ATXN7: variants seen among roughly 807,000 people sequenced by gnomAD.
ATXN7 encodes the protein ataxin 7, also known as ataxin-7.
A neutral mutation model predicts 70.5 loss-of-function variants in ATXN7; 12 were observed. The ratio of observed to expected loss-of-function variants is 0.17; its 90% CI spans 0.11 to 0.28. ATXN7 has a LOEUF of 0.28. Among genes scored for constraint, ATXN7 ranks in the 10% least tolerant of loss-of-function variants. The probability of loss-of-function intolerance (pLI) is 1.00; values close to 1 mark genes in which losing one functional copy is unlikely to be tolerated. For missense variants in ATXN7, 1,256 were observed against 1,131.7 expected (o/e 1.11, Z -1.58); for synonymous variants, 498 against 448.7 (o/e 1.11, Z -1.39).
intron 4 of ATXN7, among the ~76,000 whole-genome samples, chr3:63,940,531 A>G (rs1559639981): frequency 6.6e-6 from 1 of 152,234 alleles, no homozygotes; most frequent in Non-Finnish European, 1.5e-5. Flanking sequence ...TAACTGAGTC[A>G]TGAGATTATA....
Position 63,998,653 on chromosome 3 carries a change from A to C in ATXN7, c.2662-797A>C, listed in dbSNP as rs143830247. Reference sequence around the variant, plus strand: ...GCTACACAAATCCTGGGGCAAGAGCAGGGGTGCTTGCTTAGAGATCAAAGG... The same window carrying C: ...GCTACACAAATCCTGGGGCAAGAGCCGGGGTGCTTGCTTAGAGATCAAAGG... On this transcript the variant is annotated intron_variant, in intron 12 of 12. Coordinates refer to ENST00000674280, the MANE Select transcript of ATXN7 (RefSeq NM_001377405.1). 9.1e-4 allele frequency: 899 copies of C among 985,426 alleles called. 9 individuals carry two copies. The African/African-American group carries it at 0.015, about 17-fold the overall frequency. The allele number at this position is 985,426 out of a possible 1,614,324, so 61.0% of individuals were successfully genotyped here. A position where few individuals can be genotyped will look rare whatever the true frequency, so the allele number is the denominator to read the frequency against.
At chr3:63,940,702 T>C (rs2074745578) in intron 4 of ATXN7, among the ~76,000 whole-genome samples, 1 of 152,198 alleles carries the variant, frequency 6.6e-6, no homozygotes, top group Non-Finnish European at 1.5e-5. Context: ...GATACTATCA[T>C]TTTCAAATGT....
rs1007184831 is a variant in ATXN7 at position 63,988,334 on chromosome 3, G to T, written c.1361+10G>T. 6.2e-7 allele frequency: 1 copy of T among 1,613,814 alleles called. No individual in the cohort carries two copies. Among genetic ancestry groups the T allele is most frequent in the Non-Finnish European group, 8.5e-7 (1 of 1,179,940 alleles). Reference sequence around the variant, plus strand: ...CCCCCAGTCTTCCAAGGTAAGCCAGGCCCTCCAACTCTTTCTCCCACCTTC... The same window carrying T: ...CCCCCAGTCTTCCAAGGTAAGCCAGTCCCTCCAACTCTTTCTCCCACCTTC... On this transcript the variant is annotated intron_variant, in intron 9 of 12. Transcript: ENST00000674280.
intron 4 of ATXN7, among the ~76,000 whole-genome samples, chr3:63,914,879 A>G (rs1704199350): frequency 6.6e-6 from 1 of 152,120 alleles, no homozygotes; most frequent in African/African-American, 2.4e-5. Context: ...ACGTTAAACT[A>G]CCTACTTGAG....
intron 4 of ATXN7, among the ~76,000 whole-genome samples, chr3:63,923,178 T>G (rs1704571286): frequency 6.6e-6 from 1 of 152,212 alleles, no homozygotes; most frequent in African/African-American, 2.4e-5. Flanking sequence ...CCATGTTCTC[T>G]GGGCCTCATG....
At chr3:63,872,860 T>G (rs1702638419) in intron 1 of ATXN7, among the ~76,000 whole-genome samples, 1 of 152,170 alleles carries the variant, frequency 6.6e-6, no homozygotes, top group African/African-American at 2.4e-5. Context: ...TTATCCCATT[T>G]TAAAGGTATG....
intron 4 of ATXN7, among the ~76,000 whole-genome samples, chr3:63,933,823 C>T (rs370843948): frequency 5.5e-4 from 83 of 152,070 alleles, no homozygotes; most frequent in African/African-American, 1.8e-3. Flanking sequence ...TAAAGGGGTG[C>T]GCAGTGGTTC....
intron 4 of ATXN7, among the ~76,000 whole-genome samples, chr3:63,928,382 T>C (rs1704800710): frequency 6.6e-6 from 1 of 150,748 alleles, no homozygotes; most frequent in South Asian, 2.1e-4. Flanking sequence ...GACAAATCCT[T>C]ATAGCTATGT....
At position 63,987,957 on chromosome 3, in the gene ATXN7, T is replaced by C. The variant is rs1352147205; in HGVS notation, c.1096-102T>C. On this transcript the variant is annotated intron_variant, in intron 8 of 12. Coordinates refer to ENST00000674280, the MANE Select transcript of ATXN7 (RefSeq NM_001377405.1). ...GCTGAGTAGCCTTTCACTATGCTTA[T>C]GGTCTAGATTGCTTATTTATTGGGA... 4.3e-6 allele frequency: 6 copies of C among 1,387,750 alleles called. No homozygotes were observed. The African/African-American group carries it at 4.4e-5, about 10-fold the overall frequency. 86.0% of individuals were successfully genotyped at this position (1,387,750 alleles called of 1,614,324 possible).
At chr3:63,870,538 T>C (rs539146479) in intron 1 of ATXN7, among the ~76,000 whole-genome samples, 5 of 152,372 alleles carry the variant, frequency 3.3e-5, no homozygotes, top group African/African-American at 1.2e-4. Flanking sequence ...AGTCATATTG[T>C]GTGGCCGCCT....
intron 4 of ATXN7, among the ~76,000 whole-genome samples, chr3:63,916,244 T>TA (rs1704262919): frequency 6.6e-6 from 1 of 152,222 alleles, no homozygotes; most frequent in Non-Finnish European, 1.5e-5. Context: ...TTTAACTCTT[T>TA]CAACTGTTGA....
chr3:63,980,068 G>A lies in ATXN7; in HGVS notation c.653G>A (p.Ser218Asn). 6.2e-7 allele frequency: 1 copy of A among 1,614,174 alleles called. No individual in the cohort carries two copies. The highest frequency in any genetic ancestry group is 1.1e-5 in the South Asian group (1 of 91,086). Reference sequence around the variant, plus strand: ...GGTGTTCTTAGCGCATCCTCATCAAGTTCCAAGTTGTTGAAATCACCCAAA... The same window carrying A: ...GGTGTTCTTAGCGCATCCTCATCAAATTCCAAGTTGTTGAAATCACCCAAA... ...SGGVLSASSS[S>N]SKLLKSPKEK... Residue 218 changes from serine to asparagine, a missense_variant, in exon 6 of 13, where the codon AGT (serine) becomes AAT (asparagine). By Grantham distance (46) the Ser-to-Asn change is conservative. Transcript: ENST00000674280.
At position 64,003,175 on chromosome 3, in the gene ATXN7, G is replaced by T. The variant is rs1176178797; in HGVS notation, c.*3708G>T. The T allele has an allele frequency of 6.8e-6, 1 of 146,300 alleles. No individual in the cohort carries two copies. Among genetic ancestry groups the T allele is most frequent in the Non-Finnish European group, 1.5e-5 (1 of 66,920 alleles). 9.1% of individuals were successfully genotyped at this position (146,300 alleles called of 1,614,324 possible). A position where few individuals can be genotyped will look rare whatever the true frequency, so the allele number is the denominator to read the frequency against. The stretch of plus-strand genomic sequence containing the variant: ...TTTAAATGAGCACTACATACTGTCA[G>T]TGTGAATGTAGGGCCTTGAAAGCAT... On this transcript the variant is annotated 3_prime_UTR_variant, in exon 13 of 13. Coordinates refer to ENST00000674280, the MANE Select transcript of ATXN7 (RefSeq NM_001377405.1).
intron 11 of ATXN7, among the ~76,000 whole-genome samples, chr3:63,993,910 C>G (rs2106797951): frequency 6.6e-6 from 1 of 152,296 alleles, no homozygotes; most frequent in Admixed American, 6.5e-5. Flanking sequence ...CATGCAGCTT[C>G]TGATGCATCA....
intron 5 of ATXN7, chr3:63,968,233 T>A (rs886147118): frequency 2.4e-6 from 1 of 422,536 alleles, no homozygotes; most frequent in African/African-American, 2.0e-5. Context: ...CCACAGGGAT[T>A]AGCTGCTGCA....
Position 63,912,862 on chromosome 3 carries a change from A to C in ATXN7, c.264A>C (p.Glu88Asp). Reference protein sequence around the residue: ...VGERRPLPSPEVMLGQSWNLW... With the variant: ...VGERRPLPSPDVMLGQSWNLW... Reference sequence around the variant, plus strand: ...AGCGCAGGCCTCTGCCCAGTCCTGAAGTGATGCTGGGACAGTCGTGGAATC... The same window carrying C: ...AGCGCAGGCCTCTGCCCAGTCCTGACGTGATGCTGGGACAGTCGTGGAATC... The change falls in exon 3 of 13, where the codon GAA (glutamate) becomes GAC (aspartate). Residue 88 changes from glutamate to aspartate, a missense_variant. Transcript: ENST00000674280. 1 of 1,612,788 alleles carries C rather than the reference A, an allele frequency of 6.2e-7. No individual in the cohort carries two copies. Among genetic ancestry groups the C allele is most frequent in the South Asian group, 1.1e-5 (1 of 91,076 alleles).
In ATXN7 at chr3:63,999,988, T is replaced by G. The variant is rs905274929; in HGVS notation, c.*521T>G. The G allele has an allele frequency of 1.3e-5, 2 of 158,708 alleles. No individual in the cohort carries two copies. The highest frequency in any genetic ancestry group is 4.8e-5 in the African/African-American group (2 of 41,572). The allele number at this position is 158,708 out of a possible 1,614,324, so 9.8% of individuals were successfully genotyped here. ...CAGGGCTGCATCCCGAGCAACCCTCTGAAGAAGGGAATTAGGCTTTAGATT... is the reference window on the plus strand; with the variant it reads ...CAGGGCTGCATCCCGAGCAACCCTCGGAAGAAGGGAATTAGGCTTTAGATT... On this transcript the variant is annotated 3_prime_UTR_variant, in exon 13 of 13. Coordinates refer to ENST00000674280, the MANE Select transcript of ATXN7 (RefSeq NM_001377405.1).
At chr3:63,877,346 G>A (rs56263032) in intron 1 of ATXN7, among the ~76,000 whole-genome samples, 15,488 of 152,242 alleles carry the variant, frequency 0.1, 971 homozygotes, top group Admixed American at 0.15. Flanking sequence ...AACATTTTAT[G>A]TATATCCCCC....
Position 63,863,921 on chromosome 3 carries a change from C to T in ATXN7, c.-348C>T. The stretch of plus-strand genomic sequence containing the variant: ...GAGGAGGCGGCGGCGCCCGCGGCCG[C>T]CTGCTCCGACGCCTGAGCCGCGCCG... On this transcript the variant is annotated 5_prime_UTR_variant, in exon 1 of 13. Coordinates refer to ENST00000674280, the MANE Select transcript of ATXN7 (RefSeq NM_001377405.1). 2 of 849,974 alleles carry T rather than the reference C, an allele frequency of 2.4e-6. No homozygotes were observed. Among genetic ancestry groups the T allele is most frequent in the South Asian group, 1.1e-4 (2 of 18,418 alleles). 52.7% of individuals were successfully genotyped at this position (849,974 alleles called of 1,614,324 possible). A position where few individuals can be genotyped will look rare whatever the true frequency, so the allele number is the denominator to read the frequency against.
Sources: gnomAD v4.1 joint callset for allele counts (sites outside exome capture counted in the v4.1 genomes callset) on GRCh38, gnomAD v4.1.1 for gene constraint, MANE v1.5 for transcripts, NCBI Gene and HGNC (gene_info 2026-07-23, HGNC 2026-07-21) for gene names.